SAMD5: variants seen among roughly 807,000 people sequenced by gnomAD.
The protein encoded by SAMD5 is sterile alpha motif domain containing 5.
In SAMD5, 13 loss-of-function variants were observed where a neutral mutation model predicts 11.3. The ratio of observed to expected loss-of-function variants is 1.15; its 90% CI spans 0.75 to 1.83. The LOEUF (loss-of-function observed/expected upper bound fraction) is 1.83. Ranked by LOEUF, SAMD5 falls within the 40% of genes most tolerant of loss-of-function variation. The pLI is 0.00. For missense variants in SAMD5, 255 were observed against 239.1 expected, an observed-to-expected ratio of 1.07 and a Z score of -0.44; for synonymous variants, 129 against 111.3, an observed-to-expected ratio of 1.16 and a Z score of -1.00.
At chr6:147,812,800 A>C in the SAMD5 span, among the ~76,000 whole-genome samples, 1 of 152,246 alleles carries the variant, frequency 6.6e-6, no homozygotes, top group South Asian at 2.1e-4. Context: ...CAGGGCTTTA[A>C]TTTGATATAG....
At chr6:147,804,111 CTT>C in the SAMD5 span, among the ~76,000 whole-genome samples, 1,215 of 132,040 alleles carry the variant, frequency 9.2e-3, 6 homozygotes, top group Non-Finnish European at 0.013. Context: ...TTGAAGATAT[CTT>C]TTTTTTTTTT....
chr6:147,824,817 C>T, the SAMD5 span, among the ~76,000 whole-genome samples: 1 of 152,140 alleles, frequency 6.6e-6, no homozygotes, highest in Non-Finnish European at 1.5e-5. Context: ...TTCATTCATT[C>T]ATTCATTCCT....
intron 1 of SAMD5, among the ~76,000 whole-genome samples, chr6:147,587,901 A>G (rs1393825703): frequency 2.0e-5 from 3 of 152,146 alleles, no homozygotes; most frequent in African/African-American, 4.8e-5. Flanking sequence ...CTGAACTGTG[A>G]GGATTTATTT....
intron 1 of SAMD5, among the ~76,000 whole-genome samples, chr6:147,591,178 G>T (rs1789448336): frequency 1.3e-5 from 2 of 151,532 alleles, no homozygotes; most frequent in African/African-American, 4.8e-5. Flanking sequence ...ATGGGGAAAA[G>T]GTCAACAGAG....
chr6:147,936,960 G>A, the SAMD5 span, among the ~76,000 whole-genome samples: 8 of 152,164 alleles, frequency 5.3e-5, no homozygotes, highest in Non-Finnish European at 1.2e-4. Flanking sequence ...GTAAATGTGA[G>A]TGTGTGTGTT....
At chr6:147,884,503 T>C in the SAMD5 span, among the ~76,000 whole-genome samples, 2 of 152,210 alleles carry the variant, frequency 1.3e-5, no homozygotes, top group African/African-American at 4.8e-5. Context: ...CCCTAATTAA[T>C]ATAATCCTTT....
At chr6:147,866,454 A>G in the SAMD5 span, among the ~76,000 whole-genome samples, 14 of 152,208 alleles carry the variant, frequency 9.2e-5, no homozygotes, top group Non-Finnish European at 1.5e-5. Context: ...GGGACGGTAA[A>G]GATACTAAAC....
At chr6:147,934,937 C>G in the SAMD5 span, among the ~76,000 whole-genome samples, 2 of 152,086 alleles carry the variant, frequency 1.3e-5, no homozygotes, top group Non-Finnish European at 2.9e-5. Flanking sequence ...TTTGAACTTC[C>G]CTCCTTGTGA....
the SAMD5 span, among the ~76,000 whole-genome samples, chr6:147,776,599 T>G: frequency 2.0e-5 from 3 of 152,230 alleles, no homozygotes; most frequent in Non-Finnish European, 4.4e-5. Context: ...CAGGATGAAC[T>G]GAGAAAGGCC....
At chr6:147,557,489 G>T (rs1788876479) in intron 1 of SAMD5, among the ~76,000 whole-genome samples, 1 of 152,170 alleles carries the variant, frequency 6.6e-6, no homozygotes, top group Admixed American at 6.5e-5. Context: ...CCAGCTTCCA[G>T]TGGCTTCTGG....
chr6:147,646,972 TAA>T (rs1790413114), intron 1 of SAMD5, among the ~76,000 whole-genome samples: 34 of 13,598 alleles, frequency 2.5e-3, no homozygotes, highest in Non-Finnish European at 3.2e-3. Flanking sequence ...ACCTCATCTC[TAA>T]TAATAATAAT....
intron 1 of SAMD5, among the ~76,000 whole-genome samples, chr6:147,581,673 G>A (rs1474870212): frequency 6.6e-6 from 1 of 152,178 alleles, no homozygotes; most frequent in Non-Finnish European, 1.5e-5. Flanking sequence ...GTATCCATTA[G>A]GTTGAGCCCT....
the SAMD5 span, among the ~76,000 whole-genome samples, chr6:147,789,551 G>T: frequency 6.6e-6 from 1 of 152,036 alleles, no homozygotes; most frequent in Non-Finnish European, 1.5e-5. Context: ...GTCCACATGG[G>T]TTTCCCCTAT....
the SAMD5 span, among the ~76,000 whole-genome samples, chr6:147,750,965 C>G: frequency 1.4e-4 from 22 of 152,108 alleles, no homozygotes; most frequent in Admixed American, 6.6e-4. Context: ...TGGCTGGACT[C>G]CACACCCAGC....
At chr6:147,746,593 A>G in the SAMD5 span, among the ~76,000 whole-genome samples, 5 of 152,324 alleles carry the variant, frequency 3.3e-5, no homozygotes, top group East Asian at 9.6e-4. Flanking sequence ...GAGAGCATAC[A>G]AATTTAGTTA....
the SAMD5 span, among the ~76,000 whole-genome samples, chr6:147,821,917 A>G: frequency 1.3e-5 from 2 of 152,162 alleles, no homozygotes; most frequent in Non-Finnish European, 2.9e-5. Flanking sequence ...CCTAGAGCCT[A>G]GTGCAATGTC....
At chr6:147,540,932 C>CTTT (rs1788591261) in intron 1 of SAMD5, among the ~76,000 whole-genome samples, 1 of 106,318 alleles carries the variant, frequency 9.4e-6, no homozygotes, top group Non-Finnish European at 1.8e-5. Flanking sequence ...TCAAGCCACG[C>CTTT]GTTTTTTTTT....
At chr6:147,812,599 G>C in the SAMD5 span, among the ~76,000 whole-genome samples, 15 of 152,072 alleles carry the variant, frequency 9.9e-5, no homozygotes, top group African/African-American at 3.6e-4. Context: ...TAAAACCCCT[G>C]TCCAAGCCAA....
the SAMD5 span, among the ~76,000 whole-genome samples, chr6:147,795,311 C>A: frequency 6.9e-6 from 1 of 144,296 alleles, no homozygotes; most frequent in East Asian, 2.0e-4. Context: ...TGAGAATATG[C>A]GGTGTTTGGT....
Sources: gnomAD v4.1 joint callset for allele counts (sites outside exome capture counted in the v4.1 genomes callset) on GRCh38, gnomAD v4.1.1 for gene constraint, MANE v1.5 for transcripts, NCBI Gene and HGNC (gene_info 2026-07-23, HGNC 2026-07-21) for gene names.